Variants in SEC24D observed in about 807,000 individuals in gnomAD.
SEC24D encodes the protein SEC24 homolog D, COPII component.
Under a neutral mutation model 116.9 loss-of-function variants are expected in SEC24D, and 69 were observed. The ratio of observed to expected loss-of-function variants is 0.59; its 90% CI spans 0.49 to 0.72. The LOEUF (loss-of-function observed/expected upper bound fraction) is 0.72. Among genes scored for constraint, SEC24D ranks in the 30% least tolerant of loss-of-function variants. SEC24D has a pLI of 0.00. For synonymous variants in SEC24D, 405 were observed against 442.8 expected (o/e 0.91, Z 1.07); for missense variants, 1,131 against 1,264.1 (o/e 0.89, Z 1.60).
intron 11 of SEC24D, among the ~76,000 whole-genome samples, chr4:118,753,680 T>A (rs1034565061): frequency 4.6e-5 from 7 of 152,112 alleles, no homozygotes; most frequent in African/African-American, 1.7e-4. Context: ...AATTTCATGG[T>A]CTAAACTTAG....
chr4:118,738,436 A>G, intron 18 of SEC24D, 57 bp from the exon 19 acceptor site: 1 of 1,139,928 alleles, frequency 8.8e-7, no homozygotes, highest in South Asian at 1.2e-5. Flanking sequence ...TGATCTCTTC[A>G]AATAATCAAA....
intron 22 of SEC24D, among the ~76,000 whole-genome samples, chr4:118,724,437 T>C (rs529217901): frequency 1.3e-5 from 2 of 152,230 alleles, no homozygotes; most frequent in Admixed American, 6.5e-5. Flanking sequence ...ATTTTCTATA[T>C]AAGATTCTAG....
rs1257606989 is a variant in SEC24D, at chr4:118,731,523, CAA to C, written c.2677-18_2677-17del. 5 of 1,611,196 alleles carry C rather than the reference CAA, an allele frequency of 3.1e-6. No individual in the cohort carries two copies. Among genetic ancestry groups the C allele is most frequent in the East Asian group, 2.2e-5 (1 of 44,858 alleles). Reference sequence around the variant, plus strand: ...CTAACGTGTGCTGGGCAGGCACAGACAAAAGAGTTAGAAACTCCTTTCTTCCC... The same window carrying C: ...CTAACGTGTGCTGGGCAGGCACAGACAAGAGTTAGAAACTCCTTTCTTCCC... On this transcript the variant is annotated splice_polypyrimidine_tract_variant and intron_variant, in intron 20 of 22. Coordinates refer to ENST00000280551, the MANE Select transcript of SEC24D (RefSeq NM_014822.4).
At chr4:118,782,548 T>C (rs1201396315) in intron 8 of SEC24D, among the ~76,000 whole-genome samples, 3 of 152,190 alleles carry the variant, frequency 2.0e-5, no homozygotes, top group African/African-American at 4.8e-5. Flanking sequence ...TTAGGCTACA[T>C]GGGGGTCAGG....
intron 7 of SEC24D, among the ~76,000 whole-genome samples, chr4:118,801,141 A>C (rs886536828): frequency 6.6e-6 from 1 of 152,056 alleles, no homozygotes; most frequent in African/African-American, 2.4e-5. Flanking sequence ...GGGCACCTGT[A>C]GTCCCAGCTA....
Position 118,805,768 on chromosome 4 carries a change from G to A in SEC24D, c.913+75C>T, listed in dbSNP as rs148955821. On this transcript the variant is annotated intron_variant, in intron 7 of 22. Coordinates refer to ENST00000280551, the MANE Select transcript of SEC24D (RefSeq NM_014822.4). ...TCCATTATTAAGAGCATTATTGAAG[G>A]GTGTCAGTGTATTTGCTTTAAAAAC... is the stretch of plus-strand genomic sequence containing the variant. 2.9e-4 allele frequency: 226 copies of A among 772,934 alleles called. No homozygotes were observed. In the African/African-American group the frequency reaches 3.6e-3, roughly 12 times the overall value. 47.9% of individuals were successfully genotyped at this position (772,934 alleles called of 1,614,324 possible).
intron 8 of SEC24D, among the ~76,000 whole-genome samples, chr4:118,768,683 C>T (rs1455158798): frequency 4.6e-5 from 7 of 152,236 alleles, no homozygotes; most frequent in Non-Finnish European, 1.0e-4. Flanking sequence ...GCGTAAGCCA[C>T]TGTGCCTGGC....
chr4:118,776,986 T>C (rs542938516), intron 8 of SEC24D, among the ~76,000 whole-genome samples: 15 of 152,292 alleles, frequency 9.8e-5, no homozygotes, highest in Admixed American at 7.9e-4. Context: ...AGGCAAACTA[T>C]CTTTGTCTCT....
intron 9 of SEC24D, among the ~76,000 whole-genome samples, chr4:118,767,567 A>T (rs976786494): frequency 2.0e-5 from 3 of 152,250 alleles, no homozygotes; most frequent in Non-Finnish European, 4.4e-5. Context: ...CATGTTATAA[A>T]TGTAATAAAT....
chr4:118,752,769 ACATCAGTCACCAC>A lies in SEC24D; in HGVS notation c.1528_1540del (p.Val510LeufsTer22), dbSNP rs777264974. 6.2e-7 allele frequency: 1 copy of A among 1,612,320 alleles called. No homozygotes were observed. Among genetic ancestry groups the A allele is most frequent in the Admixed American group, 1.7e-5 (1 of 59,714 alleles). ...CAACAAAGGAACAAAGACTTCTCCA[ACATCAGTCACCAC>A]CATCATCTGAGGCTGGGCCAGATTA... On this transcript the variant is annotated frameshift_variant, in exon 12 of 23. Transcript: ENST00000280551. LOFTEE classifies it high-confidence loss of function.
chr4:118,757,924 G>A, intron 10 of SEC24D, 79 bp from the exon 11 acceptor site: 1 of 1,162,884 alleles, frequency 8.6e-7, no homozygotes, highest in South Asian at 1.6e-5. Context: ...AGAAACTCTT[G>A]AAAGTCATCA....
intron 6 of SEC24D, among the ~76,000 whole-genome samples, chr4:118,811,802 A>T (rs1377777119): frequency 1.3e-5 from 2 of 152,258 alleles, no homozygotes; most frequent in African/African-American, 4.8e-5. Flanking sequence ...AGAATTGTCA[A>T]AATTTAATTT....
intron 13 of SEC24D, among the ~76,000 whole-genome samples, chr4:118,749,407 T>C (rs775530932): frequency 1.3e-5 from 2 of 152,252 alleles, no homozygotes; most frequent in Admixed American, 6.5e-5. Context: ...TGATTATATA[T>C]AGATTTTACT....
rs945469365 is a variant in SEC24D, at chr4:118,767,249, C to T, written c.1180+924G>A. 2.6e-5 allele frequency among the ~76,000 whole-genome samples: 4 copies of T among 152,184 alleles called. No individual in the cohort carries two copies. The South Asian group carries it at 8.3e-4, about 32-fold the overall frequency. On this transcript the variant is annotated intron_variant, in intron 9 of 22. Transcript: ENST00000280551. ...TAAGAAGGCAAGCAACGCTCTCCCACCAGAGAATGCTCACAGAGCCAAGAT... is the reference window on the plus strand; with the variant it reads ...TAAGAAGGCAAGCAACGCTCTCCCATCAGAGAATGCTCACAGAGCCAAGAT...
rs766776660 is a variant in SEC24D, at chr4:118,740,737, C to G, written c.2164G>C (p.Asp722His). The change falls in exon 17 of 23, where the codon GAT (aspartate) becomes CAT (histidine). Residue 722 changes from aspartate to histidine, a missense_variant. Coordinates refer to ENST00000280551, the MANE Select transcript of SEC24D (RefSeq NM_014822.4). ...TCCACGGTCACTGCCTTGTCACAAT[C>G]GATGGCAGCCATTTCTACATCGGTG... ...NTTDVEMAAI[D>H]CDKAVTVEFK... 2.5e-6 allele frequency: 4 copies of G among 1,613,814 alleles called. 1 individual carries two copies. In the Admixed American group the frequency reaches 6.7e-5, roughly 27 times the overall value.
chr4:118,781,414 C>T (rs995820671), intron 8 of SEC24D, among the ~76,000 whole-genome samples: 36 of 152,142 alleles, frequency 2.4e-4, no homozygotes, highest in African/African-American at 8.7e-4. Context: ...TGAATATTGG[C>T]CCCCACTCTC....
intron 13 of SEC24D, among the ~76,000 whole-genome samples, chr4:118,747,263 C>CTT (rs200688068): frequency 5.5e-4 from 70 of 128,202 alleles, no homozygotes; most frequent in African/African-American, 8.1e-4. Context: ...ATTTCTGTAG[C>CTT]TTTTTTTTTT....
intron 18 of SEC24D, among the ~76,000 whole-genome samples, chr4:118,738,891 T>C (rs1726096197): frequency 6.6e-6 from 1 of 152,160 alleles, no homozygotes; most frequent in African/African-American, 2.4e-5. Flanking sequence ...CTAAGCATCA[T>C]ATTCCTAAAT....
At chr4:118,810,137 T>TGTGTGTGTG (rs56961502) in intron 6 of SEC24D, among the ~76,000 whole-genome samples, 15 of 104,268 alleles carry the variant, frequency 1.4e-4, no homozygotes, top group Non-Finnish European at 2.3e-4. Flanking sequence ...TGTGTGTGTG[T>TGTGTGTGTG]CAGAGGGTAT....
Sources: allele counts gnomAD v4.1 joint callset (sites outside exome capture counted in the v4.1 genomes callset), GRCh38; gene constraint gnomAD v4.1.1; transcripts MANE v1.5; gene names NCBI Gene and HGNC (gene_info 2026-07-23, HGNC 2026-07-21).